Variants in PSMD11 observed in about 807,000 individuals in gnomAD.
PSMD11 encodes the protein proteasome 26S subunit, non-ATPase 11.
Under a neutral mutation model 62.3 loss-of-function variants are expected in PSMD11, and 5 were observed. That is an observed-to-expected ratio of 0.08 (90% confidence interval 0.04 to 0.17). The LOEUF is 0.17. Among genes scored for constraint, PSMD11 ranks in the 10% least tolerant of loss-of-function variants. The pLI is 1.00. For synonymous variants in PSMD11, 191 were observed against 191.8 expected (o/e 1.00, Z 0.03); for missense variants, 310 against 512.9 (o/e 0.60, Z 3.82).
intron 6 of PSMD11, among the ~76,000 whole-genome samples, chr17:32,473,140 A>G (rs1183769306): frequency 6.6e-6 from 1 of 150,706 alleles, no homozygotes; most frequent in Non-Finnish European, 1.5e-5. Context: ...CCTCAGTGAC[A>G]GAGTGAGACT....
In PSMD11 at chr17:32,464,511, T is replaced by G; in HGVS notation, c.391-10T>G. 6.3e-7 allele frequency: 1 copy of G among 1,591,162 alleles called. No homozygotes were observed. Among genetic ancestry groups the G allele is most frequent in the African/African-American group, 1.3e-5 (1 of 74,288 alleles). Reference sequence around the variant, plus strand: ...CCCCCCCTTCAATCAATGCCTTTTCTCTTTCCTAGGCAAGACTGGTGTCTT... The same window carrying G: ...CCCCCCCTTCAATCAATGCCTTTTCGCTTTCCTAGGCAAGACTGGTGTCTT... On this transcript the variant is annotated splice_polypyrimidine_tract_variant and intron_variant, in intron 4 of 13. Transcript: ENST00000261712.
intron 3 of PSMD11, among the ~76,000 whole-genome samples, chr17:32,459,650 A>T (rs568494288): frequency 1.8e-4 from 28 of 152,144 alleles, no homozygotes; most frequent in African/African-American, 6.7e-4. Context: ...GGGAAATAGG[A>T]TATAATTTTT....
chr17:32,477,432 T>C lies in PSMD11; in HGVS notation c.850-89T>C. ...GCGGGTTCTTCCTTTTGGCAGAAGT[T>C]GTGTGGACACAGCATACTGCTTATG... On this transcript the variant is annotated intron_variant, in intron 8 of 13. Coordinates refer to ENST00000261712, the MANE Select transcript of PSMD11 (RefSeq NM_002815.4). 1.8e-6 allele frequency: 2 copies of C among 1,108,176 alleles called. 1 individual carries two copies. Among genetic ancestry groups the C allele is most frequent in the South Asian group, 4.2e-5 (2 of 47,104 alleles). 68.6% of individuals were successfully genotyped at this position (1,108,176 alleles called of 1,614,324 possible).
intron 6 of PSMD11, among the ~76,000 whole-genome samples, chr17:32,470,757 A>G (rs1022935465): frequency 6.6e-6 from 1 of 152,140 alleles, no homozygotes; most frequent in African/African-American, 2.4e-5. Context: ...TTCTCTCTCT[A>G]TACTGGGAGA....
Position 32,473,885 on chromosome 17 carries a change from A to G in PSMD11, c.728A>G (p.Asp243Gly), listed in dbSNP as rs765214694. 3 of 1,614,206 alleles carry G rather than the reference A, an allele frequency of 1.9e-6. No individual in the cohort carries two copies. The highest frequency in any genetic ancestry group is 2.5e-6 in the Non-Finnish European group (3 of 1,180,028). Residue 243 changes from aspartate to glycine, a missense_variant, in exon 7 of 14, where the codon GAC (aspartate) becomes GGC (glycine). This residue lies in a region of PSMD11 where 47 missense variants were observed against 117.7 expected (regional missense o/e 0.40). Transcript: ENST00000261712. The part of the protein sequence containing the change: ...YEAFEGYDSI[D>G]SPKAITSLKY... ...GCATTTGAGGGTTATGACTCCATCG[A>G]CAGCCCCAAGGCCATCACATCTCTG... is the stretch of plus-strand genomic sequence containing the variant.
chr17:32,478,200 T>C (rs1254328251), intron 9 of PSMD11, among the ~76,000 whole-genome samples: 1 of 152,204 alleles, frequency 6.6e-6, no homozygotes, highest in Admixed American at 6.5e-5. Context: ...TGAACCTCTC[T>C]CCTTTTAGTC....
At chr17:32,452,687 C>T (rs1304300185) in intron 2 of PSMD11, among the ~76,000 whole-genome samples, 2 of 152,170 alleles carry the variant, frequency 1.3e-5, no homozygotes, top group African/African-American at 4.8e-5. Flanking sequence ...TTAATGGGCT[C>T]AGTCTGAACA....
chr17:32,449,368 G>A (rs1567851166), intron 2 of PSMD11, among the ~76,000 whole-genome samples: 1 of 152,154 alleles, frequency 6.6e-6, no homozygotes, highest in Non-Finnish European at 1.5e-5. Context: ...TCACACTGCC[G>A]TGCTCTAGCC....
chr17:32,459,655 A>G (rs191769760), intron 3 of PSMD11, among the ~76,000 whole-genome samples: 5 of 152,102 alleles, frequency 3.3e-5, no homozygotes, highest in Admixed American at 3.3e-4. Flanking sequence ...ATAGGATATA[A>G]TTTTTATTCT....
At chr17:32,450,938 A>G (rs1241001234) in intron 2 of PSMD11, among the ~76,000 whole-genome samples, 1 of 151,594 alleles carries the variant, frequency 6.6e-6, no homozygotes. Context: ...TGGGTAACAT[A>G]AGGAGACCAC....
intron 8 of PSMD11, among the ~76,000 whole-genome samples, chr17:32,475,661 G>T (rs545528751): frequency 2.0e-5 from 3 of 150,406 alleles, no homozygotes; most frequent in African/African-American, 7.3e-5. Flanking sequence ...GTGCAGTGGC[G>T]TATCTCGGCT....
At chr17:32,450,422 A>ATTTT (rs58292122) in intron 2 of PSMD11, among the ~76,000 whole-genome samples, 1 of 129,538 alleles carries the variant, frequency 7.7e-6, no homozygotes, top group Non-Finnish European at 1.6e-5. Flanking sequence ...TGCTCGGCTA[A>ATTTT]TTTTTTTTTT....
At chr17:32,447,395 C>T (rs1025969565) in intron 2 of PSMD11, 8 of 161,828 alleles carry the variant, frequency 4.9e-5, no homozygotes, top group Non-Finnish European at 4.0e-5. Flanking sequence ...CAACTTTAAG[C>T]GCCTGATTTA....
chr17:32,457,791 C>T (rs1483728946), intron 3 of PSMD11, among the ~76,000 whole-genome samples: 1 of 148,440 alleles, frequency 6.7e-6, no homozygotes, highest in Non-Finnish European at 1.5e-5. Context: ...TGTATTTGTT[C>T]TCTCTCTCTC....
At chr17:32,469,227 C>T in intron 6 of PSMD11, 34 bp downstream of exon 6, 1 of 1,584,282 alleles carries the variant, frequency 6.3e-7, no homozygotes, top group Non-Finnish European at 8.6e-7. Flanking sequence ...GATGTGTTTT[C>T]TTAAAGCTCA....
chr17:32,479,433 C>G, intron 10 of PSMD11, 57 bp downstream of exon 10: 1 of 1,591,404 alleles, frequency 6.3e-7, no homozygotes, highest in Non-Finnish European at 8.6e-7. Flanking sequence ...TAGCCACCTC[C>G]CTTCCACACC....
intron 1 of PSMD11, 55 bp downstream of exon 1, chr17:32,444,669 G>A (rs1907270271): frequency 1.9e-6 from 3 of 1,596,850 alleles, no homozygotes; most frequent in Non-Finnish European, 1.7e-6. Context: ...GGCTTATGTC[G>A]GTCGGCGGCA....
intron 3 of PSMD11, among the ~76,000 whole-genome samples, chr17:32,460,868 A>G (rs570534624): frequency 6.6e-6 from 1 of 152,066 alleles, no homozygotes; most frequent in East Asian, 1.9e-4. Flanking sequence ...TTTGGAGCCT[A>G]GAAAGTGAGG....
At chr17:32,464,202 G>GT in intron 4 of PSMD11, 82 bp downstream of exon 4, 2 of 1,298,588 alleles carry the variant, frequency 1.5e-6, no homozygotes, top group Non-Finnish European at 2.2e-6. Flanking sequence ...CTTATCAAAA[G>GT]TATCTTCAGC....
Sources: gnomAD v4.1 joint callset for allele counts (sites outside exome capture counted in the v4.1 genomes callset) on GRCh38, gnomAD v4.1.1 for gene constraint, gnomAD v4.1.1 regional missense constraint, MANE v1.5 for transcripts, NCBI Gene and HGNC (gene_info 2026-07-23, HGNC 2026-07-21) for gene names.